Variants in ESRRB observed in about 807,000 individuals in gnomAD.
ESRRB encodes estrogen related receptor beta.
ESRRB carries 16 observed loss-of-function variants against 46.0 expected under a neutral mutation model. The observed-to-expected ratio is 0.35, with a 90% confidence interval of 0.24 to 0.53. The LOEUF (loss-of-function observed/expected upper bound fraction) is 0.53. Ranked by LOEUF, ESRRB falls within the 20% of genes least tolerant of loss-of-function variation. The probability of loss-of-function intolerance (pLI) is 0.93; values close to 1 mark genes in which losing one functional copy is unlikely to be tolerated. For synonymous variants in ESRRB, 246 were observed against 259.6 expected (o/e 0.95, Z 0.50); for missense variants, 488 against 607.4 (o/e 0.80, Z 2.07).
At chr14:76,427,191 C>A (rs1887239806) in intron 1 of ESRRB, among the ~76,000 whole-genome samples, 1 of 152,132 alleles carries the variant, frequency 6.6e-6, no homozygotes, top group African/African-American at 2.4e-5. Flanking sequence ...TGCCTCTGTC[C>A]CTGGAGAGGC....
chr14:76,395,341 A>T (rs1885631900), intron 1 of ESRRB, among the ~76,000 whole-genome samples: 1 of 152,144 alleles, frequency 6.6e-6, no homozygotes, highest in Non-Finnish European at 1.5e-5. Context: ...GTCTGGCAAT[A>T]TTACCATGGA....
At chr14:76,335,022 G>A (rs1566854628) in intron 1 of ESRRB, among the ~76,000 whole-genome samples, 1 of 152,152 alleles carries the variant, frequency 6.6e-6, no homozygotes, top group Non-Finnish European at 1.5e-5. Context: ...TTCTGGGCCG[G>A]CCTCACCTTG....
At chr14:76,381,516 C>G (rs879276178) in intron 1 of ESRRB, among the ~76,000 whole-genome samples, 5 of 152,168 alleles carry the variant, frequency 3.3e-5, no homozygotes, top group Non-Finnish European at 7.3e-5. Flanking sequence ...GAGACACTGT[C>G]ACCCTGGGCA....
Position 76,500,330 on chromosome 14 carries a change from G to A in ESRRB, c.*1872G>A, listed in dbSNP as rs1890616080. ...GTGGGGAATCGGGTCTGAGTCACTT[G>A]ATGAGTAGGCACTGGAGCCGTTACC... On this transcript the variant is annotated 3_prime_UTR_variant, in exon 7 of 7. Transcript: ENST00000644823. 1 of 588,178 alleles carries A rather than the reference G, an allele frequency of 1.7e-6. No individual in the cohort carries two copies. The highest frequency in any genetic ancestry group is 2.1e-5 in the South Asian group (1 of 47,016). 36.4% of individuals were successfully genotyped at this position (588,178 alleles called of 1,614,324 possible).
At chr14:76,346,352 C>G (rs12893597) in intron 1 of ESRRB, among the ~76,000 whole-genome samples, 1 of 152,080 alleles carries the variant, frequency 6.6e-6, no homozygotes, top group South Asian at 2.1e-4. Context: ...TCGGCTGAGA[C>G]GCCTACAGCC....
At chr14:76,437,397 A>C (rs1387186477) in intron 1 of ESRRB, among the ~76,000 whole-genome samples, 1 of 152,138 alleles carries the variant, frequency 6.6e-6, no homozygotes, top group African/African-American at 2.4e-5. Flanking sequence ...CCCAATCATA[A>C]GGTTGCACAG....
intron 2 of ESRRB, among the ~76,000 whole-genome samples, chr14:76,443,342 G>C (rs1425920791): frequency 6.6e-6 from 1 of 152,076 alleles, no homozygotes; most frequent in African/African-American, 2.4e-5. Context: ...AATGCACCCT[G>C]GTCTCTGCCC....
chr14:76,395,355 G>A (rs998897453), intron 1 of ESRRB, among the ~76,000 whole-genome samples: 3 of 152,198 alleles, frequency 2.0e-5, no homozygotes, highest in African/African-American at 4.8e-5. Context: ...CCATGGATCT[G>A]AACACCACTG....
Position 76,439,541 on chromosome 14 carries a change from C to G in ESRRB, c.251C>G (p.Ala84Gly). 1 of 1,613,818 alleles carries G rather than the reference C, an allele frequency of 6.2e-7. No individual in the cohort carries two copies. Among genetic ancestry groups the G allele is most frequent in the Non-Finnish European group, 8.5e-7 (1 of 1,179,986 alleles). Reference sequence around the variant, plus strand: ...GGTCTGGACTCGCCACCCATGTTTGCAGGCGCCGGGCTGGGAGGCACCCCA... The same window carrying G: ...GGTCTGGACTCGCCACCCATGTTTGGAGGCGCCGGGCTGGGAGGCACCCCA... The part of the protein sequence containing the change: ...ANGLDSPPMF[A>G]GAGLGGTPCR... Residue 84 changes from alanine (A) to glycine (G), a missense_variant, in exon 2 of 7, where the codon GCA (alanine) becomes GGA (glycine). By Grantham distance (60) the Ala-to-Gly change is moderately conservative. Coordinates refer to ENST00000644823, the MANE Select transcript of ESRRB (RefSeq NM_001379180.1).
intron 1 of ESRRB, among the ~76,000 whole-genome samples, chr14:76,392,968 G>T (rs1202287030): frequency 6.6e-6 from 1 of 152,214 alleles, no homozygotes. Flanking sequence ...CAGGGCCTGT[G>T]GCCAGCCCTG....
intron 1 of ESRRB, among the ~76,000 whole-genome samples, chr14:76,384,756 G>A (rs182551741): frequency 3.9e-5 from 6 of 152,306 alleles, no homozygotes; most frequent in Non-Finnish European, 7.3e-5. Context: ...GAGGACAAGG[G>A]GGGGTTATGA....
At chr14:76,475,370 A>T (rs1482560290) in intron 3 of ESRRB, among the ~76,000 whole-genome samples, 2 of 89,848 alleles carry the variant, frequency 2.2e-5, no homozygotes, top group East Asian at 1.0e-3. Context: ...CCTTGCCTCG[A>T]AAAAAAAAAA....
At chr14:76,357,482 G>T (rs184551841) in intron 1 of ESRRB, among the ~76,000 whole-genome samples, 25 of 152,220 alleles carry the variant, frequency 1.6e-4, no homozygotes, top group African/African-American at 6.0e-4. Context: ...GTACAATGTG[G>T]GGTCATTTTC....
chr14:76,486,412 G>A (rs535840531), intron 5 of ESRRB, among the ~76,000 whole-genome samples: 1 of 152,280 alleles, frequency 6.6e-6, no homozygotes, highest in South Asian at 2.1e-4. Context: ...TGAAATATGA[G>A]CTGCCGAGTG....
At chr14:76,378,295 A>T (rs961758763) in intron 1 of ESRRB, among the ~76,000 whole-genome samples, 4 of 152,162 alleles carry the variant, frequency 2.6e-5, no homozygotes, top group African/African-American at 9.7e-5. Flanking sequence ...AGTGAGATGG[A>T]GGCTTTAACA....
chr14:76,322,299 C>G (rs10459457), intron 1 of ESRRB, among the ~76,000 whole-genome samples: 1 of 152,274 alleles, frequency 6.6e-6, no homozygotes, highest in East Asian at 1.9e-4. Context: ...AACAGCCTTG[C>G]TTTTCCATAA....
chr14:76,325,169 T>C (rs1405611094), intron 1 of ESRRB, among the ~76,000 whole-genome samples: 2 of 152,068 alleles, frequency 1.3e-5, no homozygotes, highest in Admixed American at 6.5e-5. Flanking sequence ...TTCACCATGT[T>C]GGTGGAGGTC....
intron 5 of ESRRB, among the ~76,000 whole-genome samples, chr14:76,486,554 C>T (rs960367856): frequency 7.5e-5 from 11 of 147,336 alleles, no homozygotes; most frequent in East Asian, 2.2e-4. Flanking sequence ...CCACAAATTA[C>T]GTGCTTTTTT....
intron 1 of ESRRB, among the ~76,000 whole-genome samples, chr14:76,316,469 C>T (rs1329090534): frequency 4.2e-5 from 4 of 95,124 alleles, no homozygotes; most frequent in Non-Finnish European, 1.0e-4. Context: ...TAGTCACTAT[C>T]TCCCTTTTTG....
Sources: allele counts gnomAD v4.1 joint callset (sites outside exome capture counted in the v4.1 genomes callset), GRCh38; gene constraint gnomAD v4.1.1; transcripts MANE v1.5; gene names NCBI Gene and HGNC (gene_info 2026-07-23, HGNC 2026-07-21).